Variants in EIF4G3 observed in about 807,000 individuals in gnomAD.
EIF4G3 encodes eukaryotic translation initiation factor 4 gamma 3.
EIF4G3 carries 34 observed loss-of-function variants against 186.4 expected under a neutral mutation model. The observed-to-expected ratio is 0.18, with a 90% confidence interval of 0.14 to 0.24. The LOEUF (loss-of-function observed/expected upper bound fraction) is 0.24. Among genes scored for constraint, EIF4G3 ranks in the 10% least tolerant of loss-of-function variants. EIF4G3 has a pLI of 1.00. For synonymous variants in EIF4G3, 673 were observed against 679.5 expected, an observed-to-expected ratio of 0.99 and a Z score of 0.15; for missense variants, 1,536 against 1,948.5, an observed-to-expected ratio of 0.79 and a Z score of 3.99.
At position 20,861,848 on chromosome 1, in the gene EIF4G3, C is replaced by T. The variant is rs114327939; in HGVS notation, c.3111+380G>A. Among the ~76,000 whole-genome samples, 338 of 152,168 alleles carry T rather than the reference C, an allele frequency of 2.2e-3. 2 individuals carry two copies. Among genetic ancestry groups the T allele is most frequent in the African/African-American group, 7.6e-3 (317 of 41,514 alleles). ...AATTGCCCAGGTGTGGGGGCATGTG[C>T]CTGTAATCCCAGCTATTCCAGAGGC... On this transcript the variant is annotated intron_variant, in intron 23 of 36. Coordinates refer to ENST00000602326, the MANE Select transcript of EIF4G3 (RefSeq NM_001391906.1).
intron 2 of EIF4G3, chr1:21,167,909 CAAA>C: frequency 6.3e-6 from 2 of 317,396 alleles, no homozygotes; most frequent in South Asian, 5.3e-5. Context: ...TTTAATCTTG[CAAA>C]TAATGCAAAA....
chr1:21,027,683 CTGTT>C (rs2154571572), intron 4 of EIF4G3, among the ~76,000 whole-genome samples: 1 of 152,176 alleles, frequency 6.6e-6, no homozygotes, highest in South Asian at 2.1e-4. Flanking sequence ...CTCTTGCACA[CTGTT>C]GGTAGGAATG....
chr1:20,958,969 T>C (rs2096504795), intron 12 of EIF4G3, among the ~76,000 whole-genome samples: 1 of 152,042 alleles, frequency 6.6e-6, no homozygotes, highest in African/African-American at 2.4e-5. Flanking sequence ...AAAATGGCCA[T>C]ACTACTAAAA....
chr1:20,925,904 G>A lies in EIF4G3; in HGVS notation c.1663+15587C>T, dbSNP rs1306525514. Among the ~76,000 whole-genome samples, 3 of 152,296 alleles carry A rather than the reference G, an allele frequency of 2.0e-5. No individual in the cohort carries two copies. The East Asian group carries it at 5.8e-4, about 29-fold the overall frequency. On this transcript the variant is annotated intron_variant, in intron 14 of 36. Transcript: ENST00000602326. Reference sequence around the variant, plus strand: ...GTTACATGCATGAATTCTGGAATTGGCAGAAACTTGGAGAGAGGTATTAAC... The same window carrying A: ...GTTACATGCATGAATTCTGGAATTGACAGAAACTTGGAGAGAGGTATTAAC...
intron 2 of EIF4G3, among the ~76,000 whole-genome samples, chr1:21,169,994 G>C (rs1288830560): frequency 6.6e-6 from 1 of 151,920 alleles, no homozygotes; most frequent in African/African-American, 2.4e-5. Context: ...GACCAACATG[G>C]TGAAACCCCG....
Position 21,097,191 on chromosome 1 carries a change from G to A in EIF4G3, c.-271-7978C>T, listed in dbSNP as rs906172254. ...TGTGCAGATTCTATCAAGGATACACGATCTTTCCAATTTTGTATTTCCTTT... is the reference window on the plus strand; with the variant it reads ...TGTGCAGATTCTATCAAGGATACACAATCTTTCCAATTTTGTATTTCCTTT... On this transcript the variant is annotated intron_variant, in intron 2 of 36. Coordinates refer to ENST00000602326, the MANE Select transcript of EIF4G3 (RefSeq NM_001391906.1). Among the ~76,000 whole-genome samples the A allele has an allele frequency of 8.5e-5, 13 of 152,102 alleles. 1 individual carries two copies. The highest frequency in any genetic ancestry group is 5.9e-4 in the Admixed American group (9 of 15,252).
intron 2 of EIF4G3, chr1:21,168,002 A>G (rs2097887040): frequency 2.1e-6 from 1 of 469,858 alleles, no homozygotes. Flanking sequence ...GTGCAGTCAT[A>G]ACTTCTAAGC....
chr1:21,000,128 TA>T (rs5772930), intron 6 of EIF4G3, among the ~76,000 whole-genome samples: 29 of 145,734 alleles, frequency 2.0e-4, no homozygotes, highest in Admixed American at 4.1e-4. Context: ...GACAGGCTAT[TA>T]AAAAAAAAAA....
intron 11 of EIF4G3, among the ~76,000 whole-genome samples, chr1:20,971,552 T>C (rs1214277748): frequency 6.6e-6 from 1 of 152,248 alleles, no homozygotes. Flanking sequence ...TACATTGTCA[T>C]GTCCTGTTCA....
intron 2 of EIF4G3, among the ~76,000 whole-genome samples, chr1:21,109,782 T>G (rs1202222334): frequency 6.6e-6 from 1 of 152,100 alleles, no homozygotes; most frequent in Non-Finnish European, 1.5e-5. Context: ...CAACAGAGAC[T>G]GTAACAAATT....
At position 20,886,291 on chromosome 1, in the gene EIF4G3, T is replaced by C; in HGVS notation, c.2334A>G (p.Glu778=). The C allele has an allele frequency of 1.2e-6, 2 of 1,614,176 alleles. No individual in the cohort carries two copies. Among genetic ancestry groups the C allele is most frequent in the Non-Finnish European group, 1.7e-6 (2 of 1,180,004 alleles). ...TTTCTGCCTTTTTCAGGTGTACATCTTCTTTTACAGAAACTGTGATGATCT... is the reference window on the plus strand; with the variant it reads ...TTTCTGCCTTTTTCAGGTGTACATCCTCTTTTACAGAAACTGTGATGATCT... The part of the protein sequence containing the change: ...PRKIITVSVK[E]DVHLKKAENA... The change falls in exon 19 of 37, where the codon GAA becomes GAG. Residue 778 remains glutamate (E), a synonymous_variant. Coordinates refer to ENST00000602326, the MANE Select transcript of EIF4G3 (RefSeq NM_001391906.1).
intron 20 of EIF4G3, among the ~76,000 whole-genome samples, chr1:20,878,722 G>A (rs1306570053): frequency 6.6e-6 from 1 of 152,186 alleles, no homozygotes; most frequent in Non-Finnish European, 1.5e-5. Flanking sequence ...ATGATACATG[G>A]CAGTTTATGA....
At chr1:21,136,079 A>C (rs1031437447) in intron 2 of EIF4G3, among the ~76,000 whole-genome samples, 8 of 152,278 alleles carry the variant, frequency 5.3e-5, no homozygotes, top group African/African-American at 1.4e-4. Context: ...GCTACTCGGG[A>C]GGCTGAGACA....
Position 21,117,356 on chromosome 1 carries a change from A to AT in EIF4G3, c.-271-28144dup, listed in dbSNP as rs2096843399. On this transcript the variant is annotated intron_variant, in intron 2 of 36. Transcript: ENST00000602326. Reference sequence around the variant, plus strand: ...ATGAGATACGGTCACACACAAAAAAATAATGTTTATTTTGACTGTACTTTT... The same window carrying AT: ...ATGAGATACGGTCACACACAAAAAAATTAATGTTTATTTTGACTGTACTTTT... 2.0e-5 allele frequency among the ~76,000 whole-genome samples: 3 copies of AT among 152,276 alleles called. No individual in the cohort carries two copies. In the South Asian group the frequency reaches 6.2e-4, roughly 32 times the overall value.
chr1:20,982,060 G>C (rs1300512435), intron 8 of EIF4G3, among the ~76,000 whole-genome samples: 1 of 152,136 alleles, frequency 6.6e-6, no homozygotes, highest in Non-Finnish European at 1.5e-5. Context: ...ACCATCTGTA[G>C]GGTTGTCACA....
rs1383684511 is a variant in EIF4G3, at chr1:21,001,212, ATCCAGCCTCT to A, written c.121_130del (p.Arg41Ter). 6.4e-6 allele frequency: 3 copies of A among 471,470 alleles called. No individual in the cohort carries two copies. Among genetic ancestry groups the A allele is most frequent in the African/African-American group, 6.0e-5 (3 of 50,090 alleles). 29.2% of individuals were successfully genotyped at this position (471,470 alleles called of 1,614,324 possible). A position where few individuals can be genotyped will look rare whatever the true frequency, so the allele number is the denominator to read the frequency against. On this transcript the variant is annotated frameshift_variant, in exon 6 of 37. Transcript: ENST00000602326. LOFTEE classifies it high-confidence loss of function. ...TATATTGCTTACAATGCAGTATTTTATCCAGCCTCTTCCAGCCAAGGACCTGTAAACGGGA... is the reference window on the plus strand; with the variant it reads ...TATATTGCTTACAATGCAGTATTTTATCCAGCCAAGGACCTGTAAACGGGA...
intron 4 of EIF4G3, among the ~76,000 whole-genome samples, chr1:21,021,555 C>CT (rs939395025): frequency 2.6e-5 from 4 of 151,066 alleles, no homozygotes; most frequent in African/African-American, 7.3e-5. Flanking sequence ...TTCTTTCTTT[C>CT]TTTTTTTTTC....
intron 2 of EIF4G3, among the ~76,000 whole-genome samples, chr1:21,095,941 C>A (rs1444591667): frequency 1.3e-5 from 2 of 152,180 alleles, no homozygotes; most frequent in African/African-American, 2.4e-5. Context: ...GATACACTCA[C>A]AAAAGTTTCA....
intron 29 of EIF4G3, among the ~76,000 whole-genome samples, chr1:20,845,615 T>A (rs1178535249): frequency 6.6e-6 from 1 of 151,750 alleles, no homozygotes; most frequent in African/African-American, 2.4e-5. Context: ...TGAGCCGAGA[T>A]CGCGCCACTG....
Sources: gnomAD v4.1 joint callset for allele counts (sites outside exome capture counted in the v4.1 genomes callset) on GRCh38, gnomAD v4.1.1 for gene constraint, MANE v1.5 for transcripts, NCBI Gene and HGNC (gene_info 2026-07-23, HGNC 2026-07-21) for gene names.